CNTNAP2: variants seen among roughly 807,000 people sequenced by gnomAD.
CNTNAP2 encodes contactin-associated protein-like 2.
A neutral mutation model predicts 155.2 loss-of-function variants in CNTNAP2; 98 were observed. The observed-to-expected ratio is 0.63, with a 90% CI of 0.54 to 0.75. The LOEUF is 0.75. Ranked by LOEUF, CNTNAP2 falls within the 30% of genes least tolerant of loss-of-function variation. The pLI, the probability that CNTNAP2 is intolerant of heterozygous loss-of-function variation, is 0.00. For missense variants in CNTNAP2, 1,727 were observed against 1,688.1 expected (o/e 1.02, Z -0.40); for synonymous variants, 651 against 631.2 (o/e 1.03, Z -0.47).
At chr7:146,947,708 C>A (rs1797219704) in intron 3 of CNTNAP2, among the ~76,000 whole-genome samples, 1 of 150,144 alleles carries the variant, frequency 6.7e-6, no homozygotes, top group African/African-American at 2.5e-5. Context: ...GGGTTTGAGA[C>A]CAGCCTGGGC....
intron 15 of CNTNAP2, among the ~76,000 whole-genome samples, chr7:148,000,880 G>A (rs1419675977): frequency 2.0e-5 from 3 of 152,158 alleles, no homozygotes; most frequent in Non-Finnish European, 4.4e-5. Context: ...GCATCAGCAG[G>A]GCCACATCCC....
chr7:147,479,314 C>G (rs1798380062), intron 10 of CNTNAP2, among the ~76,000 whole-genome samples: 1 of 152,192 alleles, frequency 6.6e-6, no homozygotes, highest in Non-Finnish European at 1.5e-5. Context: ...ATATAGAACT[C>G]ATTTGCTAAT....
chr7:146,118,655 A>C lies in CNTNAP2; in HGVS notation c.97+1682A>C, dbSNP rs189475139. ...GATGGGTCCATCTGAAACATCTGCC[A>C]TGAGTAGCAAATGGAACACTGGCAG... On this transcript the variant is annotated intron_variant, in intron 1 of 23. Coordinates refer to ENST00000361727, the MANE Select transcript of CNTNAP2 (RefSeq NM_014141.6). Among the ~76,000 whole-genome samples, 13 of 152,242 alleles carry C rather than the reference A, an allele frequency of 8.5e-5. No individual in the cohort carries two copies. In the East Asian group the frequency reaches 2.1e-3, roughly 25 times the overall value.
intron 1 of CNTNAP2, among the ~76,000 whole-genome samples, chr7:146,298,235 C>T (rs1188918893): frequency 6.6e-6 from 1 of 152,100 alleles, no homozygotes; most frequent in Non-Finnish European, 1.5e-5. Flanking sequence ...GTTTTTCTTG[C>T]TATTATTGAG....
chr7:148,301,306 A>AATATATATATAT (rs1554414673), intron 21 of CNTNAP2, among the ~76,000 whole-genome samples: 11 of 103,852 alleles, frequency 1.1e-4, no homozygotes, highest in African/African-American at 1.5e-4. Context: ...AAAAAAAAAA[A>AATATATATATAT]ATATATATAT....
At chr7:146,818,004 AT>A (rs1007149687) in intron 2 of CNTNAP2, among the ~76,000 whole-genome samples, 3 of 152,196 alleles carry the variant, frequency 2.0e-5, no homozygotes, top group African/African-American at 4.8e-5. Context: ...CATATAAAAC[AT>A]TTTTTAATTG....
At chr7:146,615,586 C>T (rs1451199638) in intron 1 of CNTNAP2, among the ~76,000 whole-genome samples, 1 of 152,224 alleles carries the variant, frequency 6.6e-6, no homozygotes, top group African/African-American at 2.4e-5. Flanking sequence ...ACACATCACT[C>T]TTGTGCATTC....
chr7:147,471,981 A>G (rs1798224642), intron 10 of CNTNAP2, among the ~76,000 whole-genome samples: 1 of 152,162 alleles, frequency 6.6e-6, no homozygotes, highest in Non-Finnish European at 1.5e-5. Context: ...ATTGAGGAAA[A>G]GAGTGTATTT....
chr7:146,659,211 G>A lies in CNTNAP2; in HGVS notation c.98-115060G>A, dbSNP rs1800044011. On this transcript the variant is annotated intron_variant, in intron 1 of 23. Coordinates refer to ENST00000361727, the MANE Select transcript of CNTNAP2 (RefSeq NM_014141.6). ...AGAGAAGATTATGGGAATGTTAGAA[G>A]GTTAGTTAGTTACCATCTAGCACAA... Among the ~76,000 whole-genome samples, 2 of 152,196 alleles carry A rather than the reference G, an allele frequency of 1.3e-5. 1 individual carries two copies. Among genetic ancestry groups the A allele is most frequent in the Admixed American group, 1.3e-4 (2 of 15,280 alleles).
chr7:147,788,565 G>A (rs1332082727), intron 13 of CNTNAP2, among the ~76,000 whole-genome samples: 2 of 152,118 alleles, frequency 1.3e-5, no homozygotes, highest in African/African-American at 2.4e-5. Context: ...GGCACTGTAG[G>A]TCCTTATCTT....
intron 11 of CNTNAP2, among the ~76,000 whole-genome samples, chr7:147,493,117 C>T (rs970856288): frequency 2.0e-5 from 3 of 152,128 alleles, no homozygotes; most frequent in African/African-American, 7.2e-5. Flanking sequence ...ATCTACTGAT[C>T]CGTATACTCT....
At position 148,383,772 on chromosome 7, in the gene CNTNAP2, C is replaced by T. The variant is rs778312206; in HGVS notation, c.3599C>T (p.Ser1200Leu). ...LKAALRQTNA[S>L]AHVHIQGELV... Reference sequence around the variant, plus strand: ...GCCGCCTTGAGGCAGACAAACGCCTCGGCTCACGTCCACATCCAGGGCGAG... The same window carrying T: ...GCCGCCTTGAGGCAGACAAACGCCTTGGCTCACGTCCACATCCAGGGCGAG... Residue 1200 changes from serine (S) to leucine (L), a missense_variant, in exon 22 of 24, where the codon TCG becomes TTG. Transcript: ENST00000361727. 4.3e-6 allele frequency: 7 copies of T among 1,614,216 alleles called. No individual in the cohort carries two copies. Among genetic ancestry groups the T allele is most frequent in the South Asian group, 3.3e-5 (3 of 91,078 alleles).
At chr7:147,055,811 G>A (rs1799551418) in intron 4 of CNTNAP2, among the ~76,000 whole-genome samples, 1 of 152,072 alleles carries the variant, frequency 6.6e-6, no homozygotes, top group South Asian at 2.1e-4. Context: ...AGGAGAAGTG[G>A]AATATGCCTG....
intron 1 of CNTNAP2, among the ~76,000 whole-genome samples, chr7:146,769,229 A>G (rs889408018): frequency 1.3e-5 from 2 of 152,248 alleles, no homozygotes; most frequent in Non-Finnish European, 1.5e-5. Context: ...AAGACATCCC[A>G]GTATGGGAAA....
intron 1 of CNTNAP2, among the ~76,000 whole-genome samples, chr7:146,183,628 A>AATAATAATG (rs1798581776): frequency 1.3e-5 from 2 of 150,630 alleles, no homozygotes; most frequent in African/African-American, 2.4e-5. Context: ...TAATAATAAT[A>AATAATAATG]ATAATAATAA....
At chr7:146,174,472 C>T (rs976170472) in intron 1 of CNTNAP2, among the ~76,000 whole-genome samples, 3 of 152,188 alleles carry the variant, frequency 2.0e-5, no homozygotes, top group South Asian at 4.1e-4. Flanking sequence ...CCGCCCACCT[C>T]GGCCTCCCAA....
intron 1 of CNTNAP2, among the ~76,000 whole-genome samples, chr7:146,320,203 C>T (rs1194046480): frequency 6.6e-6 from 1 of 151,984 alleles, no homozygotes; most frequent in Non-Finnish European, 1.5e-5. Context: ...AATAAATCAT[C>T]ATATATTTAA....
intron 1 of CNTNAP2, among the ~76,000 whole-genome samples, chr7:146,362,042 C>T (rs998669568): frequency 6.6e-6 from 1 of 152,084 alleles, no homozygotes; most frequent in Non-Finnish European, 1.5e-5. Flanking sequence ...TTTACTCTCG[C>T]CTCCTCTTTA....
At chr7:147,489,168 T>C (rs1029496164) in intron 11 of CNTNAP2, among the ~76,000 whole-genome samples, 1 of 152,208 alleles carries the variant, frequency 6.6e-6, no homozygotes, top group Non-Finnish European at 1.5e-5. Flanking sequence ...TAAACCTATG[T>C]CTCCTGTTTT....
Sources: gnomAD v4.1 joint callset for allele counts (sites outside exome capture counted in the v4.1 genomes callset) on GRCh38, gnomAD v4.1.1 for gene constraint, MANE v1.5 for transcripts, NCBI Gene and HGNC (gene_info 2026-07-23, HGNC 2026-07-21) for gene names.